HERC5: variants seen among roughly 807,000 people sequenced by gnomAD.
HERC5 encodes E3 ISG15--protein ligase HERC5.
Under a neutral mutation model 119.6 loss-of-function variants are expected in HERC5, and 99 were observed. The observed-to-expected ratio is 0.83, with a 90% confidence interval of 0.70 to 0.98. HERC5 has a LOEUF of 0.98. HERC5 is among the 50% of genes least tolerant of loss of function. The pLI is 0.00. For synonymous variants in HERC5, 478 were observed against 445.9 expected, an observed-to-expected ratio of 1.07 and a Z score of -0.91; for missense variants, 1,267 against 1,241.3, an observed-to-expected ratio of 1.02 and a Z score of -0.31.
rs1315988134 is a variant in HERC5 at position 88,462,235 on chromosome 4, A to G, written c.567A>G (p.Ala189=). The part of the protein sequence containing the change: ...TTTPQIVEHL[A]GVPLAQISAG... ...CACCACAGATTGTGGAGCACCTCGC[A>G]GGAGTACCCTTGGCTCAGATTTCTG... The change falls in exon 4 of 23, where the codon GCA becomes GCG. Residue 189 remains alanine (A), a synonymous_variant. Coordinates refer to ENST00000264350, the MANE Select transcript of HERC5 (RefSeq NM_016323.4). 3 of 1,614,098 alleles carry G rather than the reference A, an allele frequency of 1.9e-6. No homozygotes were observed. Among genetic ancestry groups the G allele is most frequent in the Non-Finnish European group, 2.5e-6 (3 of 1,180,042 alleles).
At chr4:88,459,093 T>C (rs972689439) in intron 1 of HERC5, among the ~76,000 whole-genome samples, 2 of 152,182 alleles carry the variant, frequency 1.3e-5, no homozygotes, top group Admixed American at 1.3e-4. Context: ...TTTAATTGGA[T>C]ATTTTAAGGG....
intron 20 of HERC5, among the ~76,000 whole-genome samples, chr4:88,502,685 A>G (rs973543511): frequency 2.0e-5 from 3 of 152,224 alleles, no homozygotes; most frequent in African/African-American, 7.2e-5. Flanking sequence ...ATCCACTCTA[A>G]TAGTATTACT....
rs1429513579 is a variant in HERC5 at position 88,479,467 on chromosome 4, A to G, written c.1697A>G (p.Asn566Ser). ...YWDESAEENG[N>S]VQALLEMLKK... ...GATGAAAGTGCTGAGGAGAATGGTA[A>G]TGTTCAAGCTCTCCTAGAAATGTTG... Residue 566 changes from asparagine (N) to serine (S), a missense_variant, in exon 13 of 23, where the codon AAT becomes AGT. By Grantham distance (46) the Asn-to-Ser change is conservative (BLOSUM62 1). Transcript: ENST00000264350. 4 of 1,611,410 alleles carry G rather than the reference A, an allele frequency of 2.5e-6. No homozygotes were observed. Among genetic ancestry groups the G allele is most frequent in the East Asian group, 2.2e-5 (1 of 44,838 alleles).
chr4:88,475,882 A>G lies in HERC5; in HGVS notation c.1434A>G (p.Pro478=), dbSNP rs559097027. The G allele has an allele frequency of 1.3e-5, 21 of 1,613,958 alleles. No homozygotes were observed. In the Admixed American group the frequency reaches 1.7e-4, roughly 13 times the overall value. ...AAGATAATCTGCTCAAAAGACTTCCATTTCATTCTCCACCCCAAGAAGCTT... is the reference window on the plus strand; with the variant it reads ...AAGATAATCTGCTCAAAAGACTTCCGTTTCATTCTCCACCCCAAGAAGCTT... ...CLKDNLLKRL[P]FHSPPQEALE... Residue 478 remains proline, a synonymous_variant, in exon 12 of 23, where the codon CCA becomes CCG. Transcript: ENST00000264350.
Position 88,476,877 on chromosome 4 carries a change from G to A in HERC5, c.1582+847G>A, listed in dbSNP as rs149783393. Among the ~76,000 whole-genome samples the A allele has an allele frequency of 3.8e-4, 57 of 151,494 alleles. 2 individuals are homozygous for A. In the East Asian group the frequency reaches 8.8e-3, roughly 23 times the overall value. ...AGAGGTTGCATTGAGCCAAGATCAC[G>A]CCATTGCACTCCAGCCTGGGCGACA... On this transcript the variant is annotated intron_variant, in intron 12 of 22. Transcript: ENST00000264350.
Position 88,470,548 on chromosome 4 carries a change from A to G in HERC5, c.1239-66A>G, listed in dbSNP as rs553280678. 50 of 805,222 alleles carry G rather than the reference A, an allele frequency of 6.2e-5. 1 individual carries two copies. The Middle Eastern group carries it at 6.8e-4, about 11-fold the overall frequency. The allele number at this position is 805,222 out of a possible 1,614,324, so 49.9% of individuals were successfully genotyped here. A position where few individuals can be genotyped will look rare whatever the true frequency, so the allele number is the denominator to read the frequency against. ...GGTATTTATCATGTCTCATGCTGTA[A>G]AGAAAGAGGCTGTATGTATGTATAC... On this transcript the variant is annotated intron_variant, in intron 9 of 22. Transcript: ENST00000264350.
chr4:88,500,034 G>C lies in HERC5; in HGVS notation c.2511+42G>C, dbSNP rs750826517. Reference sequence around the variant, plus strand: ...GCAGATAACAGATTAGTTTTAATCTGATTAACCCTTTACATATTTAACTAA... The same window carrying C: ...GCAGATAACAGATTAGTTTTAATCTCATTAACCCTTTACATATTTAACTAA... On this transcript the variant is annotated intron_variant, in intron 19 of 22. Coordinates refer to ENST00000264350, the MANE Select transcript of HERC5 (RefSeq NM_016323.4). 5.0e-6 allele frequency: 6 copies of C among 1,208,508 alleles called. No individual in the cohort carries two copies. The South Asian group carries it at 7.7e-5, about 16-fold the overall frequency. 74.9% of individuals were successfully genotyped at this position (1,208,508 alleles called of 1,614,324 possible).
chr4:88,479,291 A>G (rs1189835822), intron 12 of HERC5, 62 bp from the exon 13 acceptor site: 4 of 1,413,662 alleles, frequency 2.8e-6, no homozygotes, highest in South Asian at 1.5e-5. Context: ...TCTCAAAAAA[A>G]AAAAAAAAAA....
chr4:88,481,334 T>C (rs1480377898), intron 13 of HERC5, among the ~76,000 whole-genome samples: 2 of 152,240 alleles, frequency 1.3e-5, no homozygotes, highest in Non-Finnish European at 2.9e-5. Context: ...ATTACAGGTA[T>C]GAGCCACTGT....
intron 22 of HERC5, 125 bp downstream of exon 22, chr4:88,504,722 C>T (rs1742056092): frequency 2.2e-6 from 1 of 457,518 alleles, no homozygotes; most frequent in East Asian, 3.5e-5. Context: ...TCCAACTGAA[C>T]ATCCTCTGTG....
intron 13 of HERC5, among the ~76,000 whole-genome samples, chr4:88,484,436 C>T (rs188870871): frequency 1.3e-5 from 2 of 152,144 alleles, no homozygotes; most frequent in Non-Finnish European, 2.9e-5. Context: ...CTGCCAGGCT[C>T]CTAGAGATAC....
At position 88,457,532 on chromosome 4, in the gene HERC5, C is replaced by T. The variant is rs770615525; in HGVS notation, c.263C>T (p.Pro88Leu). Residue 88 changes from proline (P) to leucine (L), a missense_variant and splice_region_variant, in exon 1 of 23, where the codon CCG (proline) becomes CTG (leucine). Transcript: ENST00000264350. ...LLAGSGGARTPKCIKLGKNMK... is the reference protein window; with the variant it reads ...LLAGSGGARTLKCIKLGKNMK... Reference sequence around the variant, plus strand: ...GCCGGGAGCGGCGGCGCCCGGACGCCGAGTGAGTGGGGCTGGTGTGTGAGG... The same window carrying T: ...GCCGGGAGCGGCGGCGCCCGGACGCTGAGTGAGTGGGGCTGGTGTGTGAGG... 201 of 1,266,482 alleles carry T rather than the reference C, an allele frequency of 1.6e-4. No homozygotes were observed. Among genetic ancestry groups the T allele is most frequent in the Admixed American group, 3.6e-4 (9 of 25,024 alleles). 78.5% of individuals were successfully genotyped at this position (1,266,482 alleles called of 1,614,324 possible). A position where few individuals can be genotyped will look rare whatever the true frequency, so the allele number is the denominator to read the frequency against.
At chr4:88,462,042 A>G (rs372623086) in intron 3 of HERC5, 93 bp from the exon 4 acceptor site, 19 of 1,024,968 alleles carry the variant, frequency 1.9e-5, no homozygotes, top group Middle Eastern at 3.0e-4. Flanking sequence ...CAATATTGTG[A>G]TATTATACTA....
In HERC5 at chr4:88,504,473, C is replaced by A. The variant is rs1042131617; in HGVS notation, c.2767-22C>A. 4.5e-6 allele frequency: 7 copies of A among 1,565,140 alleles called. No homozygotes were observed. The South Asian group carries it at 4.7e-5, about 11-fold the overall frequency. The stretch of plus-strand genomic sequence containing the variant: ...GTTTTCCTTCCTATTTCCTCAATAA[C>A]TTTTTTTTGTATTTTCTCTAGAATG... On this transcript the variant is annotated intron_variant, in intron 21 of 22. Transcript: ENST00000264350.
At chr4:88,482,631 T>C (rs1741317216) in intron 13 of HERC5, among the ~76,000 whole-genome samples, 1 of 152,158 alleles carries the variant, frequency 6.6e-6, no homozygotes, top group Admixed American at 6.5e-5. Context: ...CAGCCCAATC[T>C]AGAAGGGGAT....
intron 18 of HERC5, among the ~76,000 whole-genome samples, chr4:88,499,254 T>C (rs1377246719): frequency 1.3e-5 from 2 of 152,208 alleles, no homozygotes; most frequent in African/African-American, 4.8e-5. Context: ...ACATCCCCTA[T>C]GCCTGCTATA....
At chr4:88,464,146 C>A (rs1049244921) in intron 6 of HERC5, among the ~76,000 whole-genome samples, 161 bp downstream of exon 6, 1 of 144,442 alleles carries the variant, frequency 6.9e-6, no homozygotes, top group African/African-American at 2.6e-5. Flanking sequence ...ACCCCTTTTA[C>A]TATACATGGT....
chr4:88,465,408 T>C (rs1740625860), intron 6 of HERC5, among the ~76,000 whole-genome samples: 1 of 152,324 alleles, frequency 6.6e-6, no homozygotes, highest in East Asian at 1.9e-4. Context: ...ACCATTCTTA[T>C]AAAAAACTAG....
At chr4:88,471,800 T>C (rs1377500715) in intron 10 of HERC5, among the ~76,000 whole-genome samples, 1 of 152,132 alleles carries the variant, frequency 6.6e-6, no homozygotes, top group Non-Finnish European at 1.5e-5. Flanking sequence ...CGGGAAGAAA[T>C]GGATGTATTT....
Sources: gnomAD v4.1 joint callset for allele counts (sites outside exome capture counted in the v4.1 genomes callset) on GRCh38, gnomAD v4.1.1 for gene constraint, MANE v1.5 for transcripts, NCBI Gene and HGNC (gene_info 2026-07-23, HGNC 2026-07-21) for gene names.